The following KALRN variants were observed in gnomAD, a reference collection of about 807,000 sequenced individuals.
KALRN encodes the protein kalirin RhoGEF kinase.
Under a neutral mutation model 353.7 loss-of-function variants are expected in KALRN, and 70 were observed. The ratio of observed to expected loss-of-function variants is 0.20; its 90% CI spans 0.16 to 0.24. The LOEUF is 0.24. Among genes scored for constraint, KALRN ranks in the 10% least tolerant of loss-of-function variants. The pLI, the probability that KALRN is intolerant of heterozygous loss-of-function variation, is 1.00. For missense variants in KALRN, 2,791 were observed against 3,756.7 expected (o/e 0.74, Z 6.72); for synonymous variants, 1,391 against 1,434.8 (o/e 0.97, Z 0.69).
chr3:124,167,733 G>A (rs2071101906), intron 1 of KALRN, among the ~76,000 whole-genome samples: 1 of 152,220 alleles, frequency 6.6e-6, no homozygotes, highest in Admixed American at 6.5e-5. Context: ...ATGCCATAGA[G>A]TGTGTTCTCC....
chr3:124,593,791 G>C lies in KALRN; in HGVS notation c.5182+30702G>C, dbSNP rs541400882. On this transcript the variant is annotated intron_variant, in intron 34 of 59. Coordinates refer to ENST00000682506, the MANE Select transcript of KALRN (RefSeq NM_001388419.1). ...TTAACAGCCCAAAGATCCAGTAAGGGAGGTTGTTGCATCTTTCTTCTCACT... is the reference window on the plus strand; with the variant it reads ...TTAACAGCCCAAAGATCCAGTAAGGCAGGTTGTTGCATCTTTCTTCTCACT... 3.9e-5 allele frequency among the ~76,000 whole-genome samples: 6 copies of C among 152,284 alleles called. No homozygotes were observed. The South Asian group carries it at 1.2e-3, about 32-fold the overall frequency.
chr3:124,302,974 C>T (rs1450243430), intron 6 of KALRN, among the ~76,000 whole-genome samples: 1 of 152,184 alleles, frequency 6.6e-6, no homozygotes, highest in Admixed American at 6.6e-5. Flanking sequence ...CACATGCAGT[C>T]AGTTTTTAAT....
chr3:124,378,303 C>A (rs1347848500), intron 10 of KALRN, among the ~76,000 whole-genome samples: 1 of 152,006 alleles, frequency 6.6e-6, no homozygotes, highest in Non-Finnish European at 1.5e-5. Flanking sequence ...AGTATAGGAA[C>A]CTTACAATAG....
intron 12 of KALRN, 146 bp from the exon 13 acceptor site, chr3:124,398,551 A>AAACTCTATTATC (rs2090454747): frequency 1.2e-6 from 1 of 815,046 alleles, no homozygotes; most frequent in African/African-American, 1.7e-5. Flanking sequence ...TCAGGCTCAC[A>AAACTCTATTATC]GCAGGAGTTT....
chr3:124,660,545 G>T (rs1284017859), intron 43 of KALRN, among the ~76,000 whole-genome samples: 1 of 152,044 alleles, frequency 6.6e-6, no homozygotes, highest in Non-Finnish European at 1.5e-5. Flanking sequence ...GCTGAGTGTG[G>T]TGGCACTTGC....
At chr3:124,325,140 T>G (rs1340755818) in intron 6 of KALRN, among the ~76,000 whole-genome samples, 1 of 152,184 alleles carries the variant, frequency 6.6e-6, no homozygotes, top group Non-Finnish European at 1.5e-5. Context: ...AGCATACATG[T>G]TCATGAATTT....
chr3:124,372,949 G>C (rs964328116), intron 10 of KALRN, among the ~76,000 whole-genome samples: 4 of 95,276 alleles, frequency 4.2e-5, no homozygotes, highest in Non-Finnish European at 8.6e-5. Context: ...AGTCACCTGG[G>C]AGCTTTTAAA....
chr3:124,716,228 A>T (rs1429901768), intron 58 of KALRN, among the ~76,000 whole-genome samples: 1 of 152,208 alleles, frequency 6.6e-6, no homozygotes, highest in Non-Finnish European at 1.5e-5. Context: ...CAAAGGATTC[A>T]AAAAGGGATC....
intron 3 of KALRN, among the ~76,000 whole-genome samples, chr3:124,245,812 T>C (rs1356856478): frequency 6.6e-6 from 1 of 152,208 alleles, no homozygotes; most frequent in African/African-American, 2.4e-5. Context: ...ATTTTGTATA[T>C]CTTCTTTTGA....
At chr3:124,611,082 C>T (rs1017943524) in intron 34 of KALRN, among the ~76,000 whole-genome samples, 1 of 152,052 alleles carries the variant, frequency 6.6e-6, no homozygotes, top group Admixed American at 6.5e-5. Flanking sequence ...GAGAAGGTAA[C>T]AGGGCTAGGG....
rs534510227 is a variant in KALRN, at chr3:124,409,565, C to A, written c.2347-3905C>A. On this transcript the variant is annotated intron_variant, in intron 13 of 59. Transcript: ENST00000682506. ...AGGGCTATTAGGCTAGTGAAGAAGG[C>A]TGGAGAGGGCAGAACTTGCTCTCAG... is the stretch of plus-strand genomic sequence containing the variant. Among the ~76,000 whole-genome samples the A allele has an allele frequency of 1.2e-4, 19 of 152,270 alleles. No individual in the cohort carries two copies. The South Asian group carries it at 3.7e-3, about 30-fold the overall frequency.
At chr3:124,598,053 G>A (rs2076435351) in intron 34 of KALRN, among the ~76,000 whole-genome samples, 1 of 152,226 alleles carries the variant, frequency 6.6e-6, no homozygotes. Flanking sequence ...CAGTGAATTG[G>A]AACTCACTCT....
At chr3:124,648,109 G>T (rs981206889) in intron 37 of KALRN, among the ~76,000 whole-genome samples, 4 of 152,294 alleles carry the variant, frequency 2.6e-5, no homozygotes, top group African/African-American at 7.2e-5. Context: ...AGAATTTTAG[G>T]TCAACCCTAG....
chr3:124,342,512 A>G (rs898697512), intron 9 of KALRN, among the ~76,000 whole-genome samples: 2 of 152,196 alleles, frequency 1.3e-5, no homozygotes, highest in Non-Finnish European at 2.9e-5. Context: ...ATGGCTGAAT[A>G]GTATTCCATT....
chr3:124,605,284 GCATTGGCTGGATGCAGTGGCTCATGC>G (rs1199664198), intron 34 of KALRN, among the ~76,000 whole-genome samples: 1 of 151,434 alleles, frequency 6.6e-6, no homozygotes, highest in Non-Finnish European at 1.5e-5. Context: ...GATAATAGGT[GCATTGGCTGGATGCAGTGGCTCATGC>G]CTGTAATCCC....
chr3:124,270,824 G>GTTT (rs777615656), intron 5 of KALRN, among the ~76,000 whole-genome samples: 2,017 of 77,868 alleles, frequency 0.026, 89 homozygotes, highest in African/African-American at 0.061. Context: ...TTTTTGTTTT[G>GTTT]TTTTTTTTTT....
chr3:124,184,501 C>A (rs1032110507), intron 1 of KALRN, among the ~76,000 whole-genome samples: 24 of 152,166 alleles, frequency 1.6e-4, no homozygotes, highest in African/African-American at 5.8e-4. Context: ...CCCCTGTGTT[C>A]TAGCCCTGCA....
chr3:124,117,337 TG>T lies in KALRN; in HGVS notation c.73+83525del, dbSNP rs371770526. On this transcript the variant is annotated intron_variant, in intron 1 of 59. Coordinates refer to ENST00000682506, the MANE Select transcript of KALRN (RefSeq NM_001388419.1). ...AAAACAGTGTTTTTTTTTTTTCCCT[TG>T]AACATTCTGGGGGTGGGGAGAATCA... Among the ~76,000 whole-genome samples, 104 of 152,104 alleles carry T rather than the reference TG, an allele frequency of 6.8e-4. No individual in the cohort carries two copies. In the South Asian group the frequency reaches 0.014, roughly 20 times the overall value.
chr3:124,460,868 A>G (rs569844055), intron 23 of KALRN, among the ~76,000 whole-genome samples: 1 of 152,246 alleles, frequency 6.6e-6, no homozygotes, highest in African/African-American at 2.4e-5. Context: ...TTAGAGGCCC[A>G]AGGAGGAAGA....
Sources: gnomAD v4.1 joint callset for allele counts (sites outside exome capture counted in the v4.1 genomes callset) on GRCh38, gnomAD v4.1.1 for gene constraint, MANE v1.5 for transcripts, NCBI Gene and HGNC (gene_info 2026-07-23, HGNC 2026-07-21) for gene names.